COL11A2: variants seen among roughly 807,000 people sequenced by gnomAD.
COL11A2 encodes the protein collagen alpha-2(XI) chain.
COL11A2 carries 116 observed loss-of-function variants against 273.4 expected under a neutral mutation model. The ratio of observed to expected loss-of-function variants is 0.42; its 90% CI spans 0.36 to 0.49. The LOEUF (loss-of-function observed/expected upper bound fraction) is 0.49. Among genes scored for constraint, COL11A2 ranks in the 20% least tolerant of loss-of-function variants. The probability of loss-of-function intolerance (pLI) is 0.00; values close to 1 mark genes in which losing one functional copy is unlikely to be tolerated. For missense variants in COL11A2, 1,866 were observed against 2,309.0 expected, an observed-to-expected ratio of 0.81 and a Z score of 3.93; for synonymous variants, 782 against 864.2, an observed-to-expected ratio of 0.90 and a Z score of 1.67.
Position 33,167,878 on chromosome 6 carries a change from C to T in COL11A2, c.3961-26G>A. 1.2e-6 allele frequency: 2 copies of T among 1,612,552 alleles called. No individual in the cohort carries two copies. Among genetic ancestry groups the T allele is most frequent in the South Asian group, 2.2e-5 (2 of 90,980 alleles). On this transcript the variant is annotated intron_variant, in intron 54 of 65. Coordinates refer to ENST00000341947, the MANE Select transcript of COL11A2 (RefSeq NM_080680.3). This position sits in a 1 kb window ranked among gnomAD's most constrained non-coding sequence, Gnocchi z 6.1. ...CTGCAGGTGGAGTGGGAAGGAAGAG[C>T]ACATGAGGCCGTGGGCAGCCAGGCT...
In COL11A2 at chr6:33,173,720, T is replaced by C. The variant is rs774558085; in HGVS notation, c.2609A>G (p.His870Arg). The C allele has an allele frequency of 1.3e-6, 2 of 1,577,964 alleles. No individual in the cohort carries two copies. The highest frequency in any genetic ancestry group is 1.4e-5 in the African/African-American group (1 of 73,806). ...AKGTSGGDGP[H>R]GPPGERGLPG... ...ACTCACCCTCTCTCCAGGGGGCCCA[T>C]GGGGGCCATCACCACCAGATGTTCC... Residue 870 changes from histidine (H) to arginine (R), a missense_variant, in exon 35 of 66, where the codon CAT becomes CGT. Coordinates refer to ENST00000341947, the MANE Select transcript of COL11A2 (RefSeq NM_080680.3). This position sits in a 1 kb window ranked among gnomAD's most constrained non-coding sequence, Gnocchi z 6.3.
At chr6:33,171,373 T>C (rs1332431290) in intron 43 of COL11A2, 49 bp from the exon 44 acceptor site, 2 of 1,611,890 alleles carry the variant, frequency 1.2e-6, no homozygotes, top group Admixed American at 3.3e-5. Flanking sequence ...ATGGGTAGAG[T>C]GGGAAGGATG....
Position 33,177,859 on chromosome 6 carries a change from G to T in COL11A2, c.1873-153C>A. On this transcript the variant is annotated intron_variant, in intron 21 of 65. Coordinates refer to ENST00000341947, the MANE Select transcript of COL11A2 (RefSeq NM_080680.3). The surrounding 1 kb of genome is among the most constrained non-coding windows in gnomAD (Gnocchi z 5.9). ...GCTGGCCCAGGCCTGCAGTGTGTGG[G>T]ACTGTGGATCTGTGGGCTTGTGGGC... The T allele has an allele frequency of 1.1e-6, 1 of 874,664 alleles. No homozygotes were observed. The highest frequency in any genetic ancestry group is 1.4e-5 in the South Asian group (1 of 69,524). The allele number at this position is 874,664 out of a possible 1,614,324, so 54.2% of individuals were successfully genotyped here. A position where few individuals can be genotyped will look rare whatever the true frequency, so the allele number is the denominator to read the frequency against.
intron 3 of COL11A2, 26 bp downstream of exon 3, chr6:33,188,952 C>A (rs376890125): frequency 3.1e-6 from 5 of 1,613,014 alleles, no homozygotes; most frequent in East Asian, 2.2e-5. Context: ...GTGGGCCAGG[C>A]AGACCAGAGG....
Position 33,173,936 on chromosome 6 carries a change from G to C in COL11A2, c.2530-10C>G. 6.2e-7 allele frequency: 1 copy of C among 1,614,106 alleles called. No individual in the cohort carries two copies. The highest frequency in any genetic ancestry group is 2.2e-5 in the East Asian group (1 of 44,866). ...GCTGACCCCGTGGACCCTACAGAGG[G>C]AAGAGGAGTTGTCAGAGAAACCCAA... is the stretch of plus-strand genomic sequence containing the variant. On this transcript the variant is annotated splice_polypyrimidine_tract_variant and intron_variant, in intron 33 of 65. Transcript: ENST00000341947. The surrounding 1 kb of genome is among the most constrained non-coding windows in gnomAD (Gnocchi z 6.3).
chr6:33,183,894 A>T (rs1015304748), intron 8 of COL11A2, among the ~76,000 whole-genome samples: 7 of 147,890 alleles, frequency 4.7e-5, no homozygotes, highest in South Asian at 4.3e-4. Flanking sequence ...GTGGCTACAT[A>T]TTTTTTTTTT....
Position 33,188,352 on chromosome 6 carries a change from C to A in COL11A2, c.606+10G>T. ...CAGAAGTCAATCCTGCCTCTGATTG[C>A]TCTGGTTACCTCAAAGACTTCTTCA... On this transcript the variant is annotated intron_variant, in intron 4 of 65. Coordinates refer to ENST00000341947, the MANE Select transcript of COL11A2 (RefSeq NM_080680.3). 6.2e-7 allele frequency: 1 copy of A among 1,613,040 alleles called. No individual in the cohort carries two copies. Among genetic ancestry groups the A allele is most frequent in the Non-Finnish European group, 8.5e-7 (1 of 1,180,024 alleles).
In COL11A2 at chr6:33,166,416, T is replaced by C. The variant is rs955956366; in HGVS notation, c.4392+97A>G. 5 of 1,449,834 alleles carry C rather than the reference T, an allele frequency of 3.4e-6. No individual in the cohort carries two copies. Among genetic ancestry groups the C allele is most frequent in the Non-Finnish European group, 4.8e-6 (5 of 1,051,614 alleles). The allele number at this position is 1,449,834 out of a possible 1,614,324, so 89.8% of individuals were successfully genotyped here. On this transcript the variant is annotated intron_variant, in intron 60 of 65. Coordinates refer to ENST00000341947, the MANE Select transcript of COL11A2 (RefSeq NM_080680.3). The surrounding 1 kb of genome is among the most constrained non-coding windows in gnomAD (Gnocchi z 4.8). Reference sequence around the variant, plus strand: ...AAATGGGGGACCCTGAGGACTATGCTTGTTAGGCTGGTAGTTCCATGGAAG... The same window carrying C: ...AAATGGGGGACCCTGAGGACTATGCCTGTTAGGCTGGTAGTTCCATGGAAG...
At chr6:33,192,012 GTCCT>G (rs1773174222) in intron 1 of COL11A2, 143 bp downstream of exon 1, 1 of 757,718 alleles carries the variant, frequency 1.3e-6, no homozygotes, top group Non-Finnish European at 2.3e-6. Context: ...GAACACAGGT[GTCCT>G]GCCCTCCAGC....
intron 4 of COL11A2, among the ~76,000 whole-genome samples, chr6:33,187,173 A>T (rs988849657): frequency 6.6e-6 from 1 of 152,216 alleles, no homozygotes; most frequent in African/African-American, 2.4e-5. Context: ...CTTTGTGGCA[A>T]TGCATGAGCC....
chr6:33,165,749 T>A lies in COL11A2; in HGVS notation c.4550A>T (p.Asp1517Val). ...ATCTTCCTGCATCAGACGGCTTCCATCCACCGAGCGCCGAGTCTTCTTGGG... is the reference window on the plus strand; with the variant it reads ...ATCTTCCTGCATCAGACGGCTTCCAACCACCGAGCGCCGAGTCTTCTTGGG... ...QMPKKTRRSVDGSRLMQEDEA... is the reference protein window; with the variant it reads ...QMPKKTRRSVVGSRLMQEDEA... Residue 1517 changes from aspartate to valine, a missense_variant, in exon 63 of 66, where the codon GAT becomes GTT. Asp to Val is a radical substitution (Grantham distance 152). Transcript: ENST00000341947. The surrounding 1 kb of genome is among the most constrained non-coding windows in gnomAD (Gnocchi z 7.7). 1 of 1,611,976 alleles carries A rather than the reference T, an allele frequency of 6.2e-7. No individual in the cohort carries two copies. Among genetic ancestry groups the A allele is most frequent in the Non-Finnish European group, 8.5e-7 (1 of 1,179,916 alleles).
intron 8 of COL11A2, among the ~76,000 whole-genome samples, chr6:33,181,480 T>A (rs959782466): frequency 6.6e-6 from 1 of 152,116 alleles, no homozygotes; most frequent in Non-Finnish European, 1.5e-5. Flanking sequence ...TTTGTTTGTT[T>A]TTCTTTTTTT....
Position 33,164,806 on chromosome 6 carries a change from G to T in COL11A2, c.4863+46C>A. On this transcript the variant is annotated intron_variant, in intron 64 of 65. Coordinates refer to ENST00000341947, the MANE Select transcript of COL11A2 (RefSeq NM_080680.3). This position sits in a 1 kb window ranked among gnomAD's most constrained non-coding sequence, Gnocchi z 4.7. Reference sequence around the variant, plus strand: ...CCCAGAAACCACTAAGCCCTGAGGGGGTGCACTATGGGGCAGGGGAGGGGC... The same window carrying T: ...CCCAGAAACCACTAAGCCCTGAGGGTGTGCACTATGGGGCAGGGGAGGGGC... 6.7e-7 allele frequency: 1 copy of T among 1,501,676 alleles called. No homozygotes were observed. The highest frequency in any genetic ancestry group is 2.0e-5 in the Admixed American group (1 of 50,862). The allele number at this position is 1,501,676 out of a possible 1,614,324, so 93.0% of individuals were successfully genotyped here.
At chr6:33,175,825 A>T in intron 29 of COL11A2, 144 bp from the exon 30 acceptor site, 1 of 1,067,210 alleles carries the variant, frequency 9.4e-7, no homozygotes, top group Non-Finnish European at 1.5e-6. Flanking sequence ...GGGTAGGGAT[A>T]GTGTAGTGAT....
rs1315505502 is a variant in COL11A2, at chr6:33,169,592, G to A, written c.3691-102C>T. 2 of 1,199,126 alleles carry A rather than the reference G, an allele frequency of 1.7e-6. No individual in the cohort carries two copies. The highest frequency in any genetic ancestry group is 3.0e-5 in the African/African-American group (2 of 66,602). 74.3% of individuals were successfully genotyped at this position (1,199,126 alleles called of 1,614,324 possible). On this transcript the variant is annotated intron_variant, in intron 50 of 65. Transcript: ENST00000341947. The surrounding 1 kb of genome is among the most constrained non-coding windows in gnomAD (Gnocchi z 5.5). ...CTTCAGCCATCCCCTACTCCCCTCA[G>A]TGACAATGGGACATACACAGAAAGT...
In COL11A2 at chr6:33,177,150, C is replaced by G. The variant is rs759603706; in HGVS notation, c.2016+31G>C. The G allele has an allele frequency of 5.0e-6, 8 of 1,612,876 alleles. No homozygotes were observed. In the African/African-American group the frequency reaches 1.1e-4, roughly 22 times the overall value. ...TTCTCCCTACATCCCCACTCTAAAC[C>G]CCCTGTCCTCCAAATCACTTAGTCA... On this transcript the variant is annotated intron_variant, in intron 24 of 65. Coordinates refer to ENST00000341947, the MANE Select transcript of COL11A2 (RefSeq NM_080680.3). This position sits in a 1 kb window ranked among gnomAD's most constrained non-coding sequence, Gnocchi z 5.9.
At chr6:33,172,987 G>A in intron 38 of COL11A2, 73 bp downstream of exon 38, 2 of 1,511,454 alleles carry the variant, frequency 1.3e-6, no homozygotes, top group East Asian at 4.6e-5. Context: ...GCAGGGGCGT[G>A]TGACCGAGAG....
rs1287399938 is a variant in COL11A2, at chr6:33,164,977, G to A, written c.4751-13C>T. 1 of 1,559,922 alleles carries A rather than the reference G, an allele frequency of 6.4e-7. No homozygotes were observed. The highest frequency in any genetic ancestry group is 8.7e-7 in the Non-Finnish European group (1 of 1,150,198). ...ACCCAGTACTCTCCTGTTGGGTGAGGGAGAGGGGAGGTCAGGGCCACCTAG... is the reference window on the plus strand; with the variant it reads ...ACCCAGTACTCTCCTGTTGGGTGAGAGAGAGGGGAGGTCAGGGCCACCTAG... On this transcript the variant is annotated splice_polypyrimidine_tract_variant and intron_variant, in intron 63 of 65. Transcript: ENST00000341947. The surrounding 1 kb of genome is among the most constrained non-coding windows in gnomAD (Gnocchi z 4.7).
In COL11A2 at chr6:33,163,794, C is replaced by G; in HGVS notation, c.5095G>C (p.Glu1699Gln). The part of the protein sequence containing the change: ...CQTQQGRTVL[E>Q]VRTPVLEQLP... ...TGCTCCAGCACAGGCGTTCGCACCT[C>G]CAGCACCGTCCGGCCTTGCTGTGTC... The change falls in exon 66 of 66, where the codon GAG becomes CAG. Residue 1699 changes from glutamate to glutamine, a missense_variant. Coordinates refer to ENST00000341947, the MANE Select transcript of COL11A2 (RefSeq NM_080680.3). This position sits in a 1 kb window ranked among gnomAD's most constrained non-coding sequence, Gnocchi z 4.1. The G allele has an allele frequency of 1.2e-6, 2 of 1,613,034 alleles. No homozygotes were observed. Among genetic ancestry groups the G allele is most frequent in the African/African-American group, 2.7e-5 (2 of 75,038 alleles).
Sources: gnomAD v4.1 joint callset for allele counts (sites outside exome capture counted in the v4.1 genomes callset) on GRCh38, gnomAD v4.1.1 for gene constraint, Gnocchi (gnomAD v3.1) non-coding constraint, MANE v1.5 for transcripts, NCBI Gene and HGNC (gene_info 2026-07-23, HGNC 2026-07-21) for gene names.